The following DEFB136 variants were observed in gnomAD, a reference collection of about 807,000 sequenced individuals.
DEFB136 encodes the protein defensin beta 136, also known as beta-defensin 136.
Under a neutral mutation model 2.4 loss-of-function variants are expected in DEFB136, and 6 were observed. That is an observed-to-expected ratio of 2.45 (90% CI 1.34 to 4.84). The LOEUF is 4.84. Among genes scored for constraint, DEFB136 ranks in the 30% most tolerant of loss-of-function variants. DEFB136 has a pLI of 0.00. For missense variants in DEFB136, 126 were observed against 98.4 expected, an observed-to-expected ratio of 1.28 and a Z score of -1.19; for synonymous variants, 47 against 35.2, an observed-to-expected ratio of 1.33 and a Z score of -1.18.
chr8:11,974,537 T>A lies in DEFB136; in HGVS notation c.55+8A>T. 2 of 1,614,088 alleles carry A rather than the reference T, an allele frequency of 1.2e-6. No homozygotes were observed. The highest frequency in any genetic ancestry group is 1.7e-6 in the Non-Finnish European group (2 of 1,179,942). ...CTTTTATGTTCAGACTCACGCCCAC[T>A]GTCTTACCTGAAGGCAGTAAGATCA... On this transcript the variant is annotated splice_region_variant and intron_variant, in intron 1 of 1. Transcript: ENST00000382209.
chr8:11,974,096 A>G lies in DEFB136; in HGVS notation c.78T>C (p.Asp26=), dbSNP rs1415278272. The change falls in exon 2 of 2, where the codon GAT becomes GAC. Residue 26 remains aspartate, a synonymous_variant. Coordinates refer to ENST00000382209, the MANE Select transcript of DEFB136 (RefSeq NM_001033018.2). ...LPSGKGMFGN[D]GVKVRTCTSQ... ...TAGTGCAGGTGCGAACTTTGACTCC[A>G]TCATTCCCAAACATACCTTTTCCTG... 1.3e-6 allele frequency: 2 copies of G among 1,585,054 alleles called. No individual in the cohort carries two copies. The highest frequency in any genetic ancestry group is 1.2e-5 in the South Asian group (1 of 85,500).
chr8:11,974,439 T>C (rs7461062), intron 1 of DEFB136, 106 bp downstream of exon 1: 760,604 of 1,336,008 alleles, frequency 0.57, 227,788 homozygotes, highest in East Asian at 0.99. Context: ...GGTGGCCCAT[T>C]TGATATTGGT....
In DEFB136 at chr8:11,974,180, A is replaced by G. The variant is rs1799548525; in HGVS notation, c.56-62T>C. Reference sequence around the variant, plus strand: ...TCTTAATGAGGCTGGGAGAAATCCTAGGCTTGCCATCACCTCCTGGTTGAT... The same window carrying G: ...TCTTAATGAGGCTGGGAGAAATCCTGGGCTTGCCATCACCTCCTGGTTGAT... On this transcript the variant is annotated intron_variant, in intron 1 of 1. Coordinates refer to ENST00000382209, the MANE Select transcript of DEFB136 (RefSeq NM_001033018.2). 2.0e-6 allele frequency: 3 copies of G among 1,496,026 alleles called. No individual in the cohort carries two copies. In the East Asian group the frequency reaches 7.1e-5, roughly 35 times the overall value. The allele number at this position is 1,496,026 out of a possible 1,614,324, so 92.7% of individuals were successfully genotyped here.
At chr8:11,974,518 T>A (rs756073379) in intron 1 of DEFB136, 27 bp downstream of exon 1, 1 of 1,613,076 alleles carries the variant, frequency 6.2e-7, no homozygotes, top group Admixed American at 1.7e-5. Flanking sequence ...CCCACTTTTA[T>A]GTTCAGACTC....
At chr8:11,974,468 T>C in intron 1 of DEFB136, 77 bp downstream of exon 1, 1 of 1,538,372 alleles carries the variant, frequency 6.5e-7, no homozygotes, top group Admixed American at 1.7e-5. Flanking sequence ...GCTGGGCTTA[T>C]AGTTAGAGGG....
In DEFB136 at chr8:11,973,945, C is replaced by G. The variant is rs376086722; in HGVS notation, c.229G>C (p.Val77Leu). The change falls in exon 2 of 2, where the codon GTT (valine) becomes CTT (leucine). Residue 77 changes from valine to leucine, a missense_variant. By Grantham distance (32) the Val-to-Leu change is conservative. Coordinates refer to ENST00000382209, the MANE Select transcript of DEFB136 (RefSeq NM_001033018.2). ...GCCATTCACATATCCTTTTAATGAACCCATGGATCTTTGGCTTGCGGGGGT... is the reference window on the plus strand; with the variant it reads ...GCCATTCACATATCCTTTTAATGAAGCCATGGATCTTTGGCTTGCGGGGGT... ...FQPPQAKDPWVH is the reference protein window; with the variant it reads ...FQPPQAKDPWLH 9 of 1,587,406 alleles carry G rather than the reference C, an allele frequency of 5.7e-6. No individual in the cohort carries two copies. The highest frequency in any genetic ancestry group is 7.7e-6 in the Non-Finnish European group (9 of 1,167,270).
In DEFB136 at chr8:11,974,585, AAGAC is replaced by A. The variant is rs764861653; in HGVS notation, c.11_14del (p.Cys4PhefsTer9). On this transcript the variant is annotated frameshift_variant, in exon 1 of 2. Coordinates refer to ENST00000382209, the MANE Select transcript of DEFB136 (RefSeq NM_001033018.2). LOFTEE classifies it low-confidence loss of function (END_TRUNC). ...TCACCAGGAAAAAGAGTAATGCAGAAAGACAGAGGTTCATGGCCGAAGAGGGCAC... is the reference window on the plus strand; with the variant it reads ...TCACCAGGAAAAAGAGTAATGCAGAAAGAGGTTCATGGCCGAAGAGGGCAC... 2.5e-6 allele frequency: 4 copies of A among 1,614,106 alleles called. No individual in the cohort carries two copies. The South Asian group carries it at 4.4e-5, about 18-fold the overall frequency.
At chr8:11,974,153 A>T in intron 1 of DEFB136, 35 bp from the exon 2 acceptor site, 1 of 1,511,042 alleles carries the variant, frequency 6.6e-7, no homozygotes, top group Non-Finnish European at 8.8e-7. Flanking sequence ...AAGAAAAATC[A>T]ATCTTAATGA....
At position 11,974,090 on chromosome 8, in the gene DEFB136, G is replaced by A. The variant is rs764182306; in HGVS notation, c.84C>T (p.Val28=). 8.8e-6 allele frequency: 14 copies of A among 1,588,630 alleles called. No individual in the cohort carries two copies. Among genetic ancestry groups the A allele is most frequent in the African/African-American group, 1.4e-5 (1 of 73,506 alleles). Residue 28 remains valine (V), a synonymous_variant, in exon 2 of 2, where the codon GTC becomes GTT. Transcript: ENST00000382209. ...TCTGGCTAGTGCAGGTGCGAACTTT[G>A]ACTCCATCATTCCCAAACATACCTT... ...SGKGMFGNDG[V]KVRTCTSQKA...
chr8:11,974,401 T>C (rs1799553273), intron 1 of DEFB136, 144 bp downstream of exon 1: 1 of 1,020,654 alleles, frequency 9.8e-7, no homozygotes, highest in Non-Finnish European at 1.5e-6. Context: ...GGGCAGGAGC[T>C]GGGGTCCGCT....
rs1799545210 is a variant in DEFB136, at chr8:11,974,076, C to T, written c.98G>A (p.Cys33Tyr). 21 of 1,596,944 alleles carry T rather than the reference C, an allele frequency of 1.3e-5. No individual in the cohort carries two copies. Among genetic ancestry groups the T allele is most frequent in the Non-Finnish European group, 1.7e-5 (20 of 1,173,320 alleles). Residue 33 changes from cysteine to tyrosine, a missense_variant, in exon 2 of 2, where the codon TGC (cysteine) becomes TAC (tyrosine). By Grantham distance (194) the Cys-to-Tyr change is radical. Coordinates refer to ENST00000382209, the MANE Select transcript of DEFB136 (RefSeq NM_001033018.2). ...FGNDGVKVRT[C>Y]TSQKAVCFFG... is the part of the protein sequence containing the mutation. ...GAAACATACGGCTTTCTGGCTAGTG[C>T]AGGTGCGAACTTTGACTCCATCATT...
Position 11,974,590 on chromosome 8 carries a change from A to T in DEFB136, c.10T>A (p.Cys4Ser), listed in dbSNP as rs1799558215. Residue 4 changes from cysteine (C) to serine (S), a missense_variant, in exon 1 of 2, where the codon TGT (cysteine) becomes AGT (serine). Transcript: ENST00000382209. MNLCLSALLFFLVI... is the reference protein window; with the variant it reads MNLSLSALLFFLVI... ...AGGAAAAAGAGTAATGCAGAAAGAC[A>T]GAGGTTCATGGCCGAAGAGGGCACA... 2.5e-6 allele frequency: 4 copies of T among 1,614,004 alleles called. 1 individual carries two copies. Among genetic ancestry groups the T allele is most frequent in the Non-Finnish European group, 3.4e-6 (4 of 1,179,992 alleles).
At position 11,974,059 on chromosome 8, in the gene DEFB136, C is replaced by T. The variant is rs201963339; in HGVS notation, c.115G>A (p.Val39Ile). The T allele has an allele frequency of 9.4e-5, 152 of 1,608,738 alleles. 1 individual carries two copies. The African/African-American group carries it at 1.4e-3, about 15-fold the overall frequency. ...KVRTCTSQKA[V>I]CFFGCPPGYR... Reference sequence around the variant, plus strand: ...CCTGGCGGACACCCGAAGAAACATACGGCTTTCTGGCTAGTGCAGGTGCGA... The same window carrying T: ...CCTGGCGGACACCCGAAGAAACATATGGCTTTCTGGCTAGTGCAGGTGCGA... Residue 39 changes from valine (V) to isoleucine (I), a missense_variant, in exon 2 of 2, where the codon GTA (valine) becomes ATA (isoleucine). By Grantham distance (29) the Val-to-Ile change is conservative. Coordinates refer to ENST00000382209, the MANE Select transcript of DEFB136 (RefSeq NM_001033018.2).
At position 11,974,343 on chromosome 8, in the gene DEFB136, C is replaced by T. The variant is rs896183017; in HGVS notation, c.55+202G>A. On this transcript the variant is annotated intron_variant, in intron 1 of 1. Transcript: ENST00000382209. ...CTGTGTGCACAATGACATCCACCCC[C>T]GTCCCCGGTGCACTGGCAGATCTTC... is the stretch of plus-strand genomic sequence containing the variant. Among the ~76,000 whole-genome samples the T allele has an allele frequency of 9.9e-5, 15 of 152,262 alleles. No individual in the cohort carries two copies. In the South Asian group the frequency reaches 2.3e-3, roughly 23 times the overall value.
chr8:11,974,050 A>G lies in DEFB136; in HGVS notation c.124T>C (p.Phe42Leu). 1 of 1,610,806 alleles carries G rather than the reference A, an allele frequency of 6.2e-7. No homozygotes were observed. Among genetic ancestry groups the G allele is most frequent in the African/African-American group, 1.3e-5 (1 of 74,904 alleles). Residue 42 changes from phenylalanine to leucine, a missense_variant, in exon 2 of 2, where the codon TTC (phenylalanine) becomes CTC (leucine). Coordinates refer to ENST00000382209, the MANE Select transcript of DEFB136 (RefSeq NM_001033018.2). ...CACCTGTATCCTGGCGGACACCCGAAGAAACATACGGCTTTCTGGCTAGTG... is the reference window on the plus strand; with the variant it reads ...CACCTGTATCCTGGCGGACACCCGAGGAAACATACGGCTTTCTGGCTAGTG... Reference protein sequence around the residue: ...TCTSQKAVCFFGCPPGYRWIA... With the variant: ...TCTSQKAVCFLGCPPGYRWIA...
chr8:11,974,219 T>A, intron 1 of DEFB136, 101 bp from the exon 2 acceptor site: 1 of 1,387,758 alleles, frequency 7.2e-7, no homozygotes, highest in Non-Finnish European at 9.7e-7. Flanking sequence ...TTGTTAGTTG[T>A]GATTTACCTC....
At chr8:11,974,188 C>G (rs1799548711) in intron 1 of DEFB136, 70 bp from the exon 2 acceptor site, 2 of 1,482,940 alleles carry the variant, frequency 1.3e-6, no homozygotes, top group South Asian at 2.8e-5. Context: ...CTAGGCTTGC[C>G]ATCACCTCCT....
chr8:11,974,413 A>C, intron 1 of DEFB136, 132 bp downstream of exon 1: 1 of 1,140,262 alleles, frequency 8.8e-7, no homozygotes, highest in Non-Finnish European at 1.3e-6. Context: ...GGGTCCGCTC[A>C]CCATGCCCCT....
rs199510261 is a variant in DEFB136, at chr8:11,974,110, T to C, written c.64A>G (p.Met22Val). Residue 22 changes from methionine (M) to valine (V), a missense_variant, in exon 2 of 2, where the codon ATG (methionine) becomes GTG (valine). Met to Val is a conservative substitution (Grantham distance 21). Transcript: ENST00000382209. ...LVILLPSGKG[M>V]FGNDGVKVRT... ...ACTTTGACTCCATCATTCCCAAACA[T>C]ACCTTTTCCTGAAGCGGGGAGAGAC... The C allele has an allele frequency of 2.1e-4, 324 of 1,569,220 alleles. 3 individuals carry two copies. The highest frequency in any genetic ancestry group is 1.3e-3 in the Admixed American group (67 of 51,562).
Sources: allele counts gnomAD v4.1 joint callset (sites outside exome capture counted in the v4.1 genomes callset), GRCh38; gene constraint gnomAD v4.1.1; transcripts MANE v1.5; gene names NCBI Gene and HGNC (gene_info 2026-07-23, HGNC 2026-07-21).